THEMIS: variants seen among roughly 807,000 people sequenced by gnomAD.
THEMIS encodes thymocyte selection associated.
A neutral mutation model predicts 52.6 loss-of-function variants in THEMIS; 37 were observed. The observed-to-expected ratio is 0.70, with a 90% CI of 0.54 to 0.93. The LOEUF (loss-of-function observed/expected upper bound fraction) is 0.93. THEMIS is among the 40% of genes least tolerant of loss of function. The pLI is 0.00. For synonymous variants in THEMIS, 292 were observed against 272.7 expected (o/e 1.07, Z -0.70); for missense variants, 808 against 763.1 (o/e 1.06, Z -0.69).
rs541304844 is a variant in THEMIS, at chr6:127,872,502, C to CA, written c.92-17315dup. ...CAGGAAACCCAGTAAGCAGAGGTTG[C>CA]AGTGAGCCGAGATTGCGCCACTGCA... is the stretch of plus-strand genomic sequence containing the variant. On this transcript the variant is annotated intron_variant, in intron 1 of 5. Coordinates refer to ENST00000368248, the MANE Select transcript of THEMIS (RefSeq NM_001010923.3). Among the ~76,000 whole-genome samples the CA allele has an allele frequency of 2.1e-3, 313 of 152,166 alleles. 1 individual carries two copies. The highest frequency in any genetic ancestry group is 7.5e-3 in the African/African-American group (310 of 41,510).
intron 4 of THEMIS, among the ~76,000 whole-genome samples, chr6:127,783,666 C>T (rs1776825106): frequency 6.6e-6 from 1 of 152,136 alleles, no homozygotes; most frequent in Admixed American, 6.5e-5. Context: ...TAGAGAAATG[C>T]AAATCAAAAC....
chr6:127,907,336 G>GTTTTTTTTTTTT (rs1444629822), intron 1 of THEMIS, among the ~76,000 whole-genome samples: 2 of 28,600 alleles, frequency 7.0e-5, no homozygotes, highest in Non-Finnish European at 1.6e-4. Flanking sequence ...ATTAGGCTCG[G>GTTTTTTTTTTTT]ATTTTTTTTT....
the THEMIS span, among the ~76,000 whole-genome samples, chr6:127,698,917 G>C: frequency 1.8e-4 from 28 of 151,744 alleles, no homozygotes; most frequent in African/African-American, 6.8e-4. Flanking sequence ...CTTTTATCTG[G>C]AGAATTAATT....
At chr6:127,842,133 T>C (rs1335222728) in intron 2 of THEMIS, among the ~76,000 whole-genome samples, 1 of 152,022 alleles carries the variant, frequency 6.6e-6, no homozygotes, top group African/African-American at 2.4e-5. Context: ...AGCAAATGTA[T>C]ATATTTTTTG....
intron 5 of THEMIS, among the ~76,000 whole-genome samples, chr6:127,717,462 G>T (rs1285925121): frequency 6.6e-6 from 1 of 151,694 alleles, no homozygotes; most frequent in Non-Finnish European, 1.5e-5. Context: ...TTAAAATAAG[G>T]CATGGGCATC....
At chr6:127,786,802 T>G (rs1180665161) in intron 4 of THEMIS, among the ~76,000 whole-genome samples, 1 of 152,202 alleles carries the variant, frequency 6.6e-6, no homozygotes, top group East Asian at 1.9e-4. Flanking sequence ...AAATCTTTTT[T>G]TTAAGAAAAG....
intron 4 of THEMIS, among the ~76,000 whole-genome samples, chr6:127,726,122 C>T (rs1774537503): frequency 6.6e-6 from 1 of 152,106 alleles, no homozygotes; most frequent in South Asian, 2.1e-4. Flanking sequence ...TGGCTTGACA[C>T]TAAGACATTC....
intron 4 of THEMIS, among the ~76,000 whole-genome samples, chr6:127,748,141 G>A (rs187012268): frequency 1.3e-5 from 2 of 152,226 alleles, no homozygotes; most frequent in East Asian, 3.9e-4. Flanking sequence ...ACAATAGCTT[G>A]CCTCTATTAG....
chr6:127,885,722 G>A (rs1180765480), intron 1 of THEMIS, among the ~76,000 whole-genome samples: 1 of 151,494 alleles, frequency 6.6e-6, no homozygotes, highest in South Asian at 2.1e-4. Context: ...TCTGAAGAAG[G>A]GAATGACAAC....
At chr6:127,900,369 C>G (rs905739375) in intron 1 of THEMIS, among the ~76,000 whole-genome samples, 1 of 151,942 alleles carries the variant, frequency 6.6e-6, no homozygotes, top group Admixed American at 6.6e-5. Flanking sequence ...TAGGCCACTA[C>G]AGAGTGAGAA....
intron 4 of THEMIS, among the ~76,000 whole-genome samples, chr6:127,790,537 C>A (rs886378505): frequency 6.6e-6 from 1 of 151,924 alleles, no homozygotes; most frequent in Non-Finnish European, 1.5e-5. Flanking sequence ...TTATTTCTGC[C>A]AATTTTGTCT....
chr6:127,789,688 G>A (rs552885789), intron 4 of THEMIS, among the ~76,000 whole-genome samples: 7 of 152,110 alleles, frequency 4.6e-5, no homozygotes, highest in South Asian at 2.1e-4. Flanking sequence ...CCATCAAGTC[G>A]GCTTCATCCC....
At chr6:127,909,655 T>C (rs1478662962) in intron 1 of THEMIS, among the ~76,000 whole-genome samples, 2 of 152,062 alleles carry the variant, frequency 1.3e-5, no homozygotes, top group African/African-American at 4.8e-5. Flanking sequence ...AGCTTTGTAA[T>C]ATTAACAGTA....
At chr6:127,762,885 C>T (rs1776070536) in intron 4 of THEMIS, among the ~76,000 whole-genome samples, 1 of 151,890 alleles carries the variant, frequency 6.6e-6, no homozygotes, top group African/African-American at 2.4e-5. Flanking sequence ...GTAATACATT[C>T]AGTGTTGTCT....
intron 5 of THEMIS, among the ~76,000 whole-genome samples, 162 bp from the exon 6 acceptor site, chr6:127,710,178 A>T (rs1583185561): frequency 6.6e-6 from 1 of 151,578 alleles, no homozygotes; most frequent in African/African-American, 2.4e-5. Flanking sequence ...AAAAAAAAAA[A>T]GAAACAGAAG....
intron 1 of THEMIS, among the ~76,000 whole-genome samples, chr6:127,884,254 G>A (rs1780577301): frequency 6.6e-6 from 1 of 152,072 alleles, no homozygotes; most frequent in Admixed American, 6.6e-5. Context: ...TTCTTCCCAT[G>A]TGGCACATGG....
intron 4 of THEMIS, among the ~76,000 whole-genome samples, chr6:127,801,986 C>T (rs926562508): frequency 1.3e-5 from 2 of 152,044 alleles, no homozygotes; most frequent in African/African-American, 2.4e-5. Flanking sequence ...GTTGGATCAC[C>T]CTGAATTTGT....
chr6:127,892,411 T>C (rs765266572), intron 1 of THEMIS, among the ~76,000 whole-genome samples: 20 of 152,198 alleles, frequency 1.3e-4, no homozygotes, highest in Non-Finnish European at 2.4e-4. Context: ...CTTGCTTTAC[T>C]CTCCAGTCAG....
chr6:127,915,198 A>G (rs1781495409), intron 1 of THEMIS, among the ~76,000 whole-genome samples: 1 of 151,802 alleles, frequency 6.6e-6, no homozygotes, highest in Non-Finnish European at 1.5e-5. Flanking sequence ...GAAAAAAAAC[A>G]AAATTGAAAA....
Sources: allele counts gnomAD v4.1 joint callset (sites outside exome capture counted in the v4.1 genomes callset), GRCh38; gene constraint gnomAD v4.1.1; transcripts MANE v1.5; gene names NCBI Gene and HGNC (gene_info 2026-07-23, HGNC 2026-07-21).